The following ZDHHC2 variants were observed in gnomAD, a reference collection of about 807,000 sequenced individuals.
ZDHHC2 encodes palmitoyltransferase ZDHHC2.
ZDHHC2 carries 51 observed loss-of-function variants against 55.6 expected under a neutral mutation model. That is an observed-to-expected ratio of 0.92 (90% confidence interval 0.73 to 1.16). The LOEUF is 1.16. ZDHHC2 is among the 50% of genes most tolerant of loss of function. The pLI, the probability that ZDHHC2 is intolerant of heterozygous loss-of-function variation, is 0.00. For synonymous variants in ZDHHC2, 199 were observed against 152.9 expected (o/e 1.30, Z -2.22); for missense variants, 491 against 442.4 (o/e 1.11, Z -0.99).
intron 1 of ZDHHC2, among the ~76,000 whole-genome samples, chr8:17,181,011 TCTC>T (rs1304841189): frequency 1.3e-5 from 2 of 152,180 alleles, no homozygotes; most frequent in African/African-American, 4.8e-5. Flanking sequence ...CTTCTCCCTC[TCTC>T]CTCTCTTTAG....
chr8:17,188,658 A>C (rs1035907266), intron 3 of ZDHHC2, among the ~76,000 whole-genome samples: 2 of 152,020 alleles, frequency 1.3e-5, no homozygotes, highest in Non-Finnish European at 2.9e-5. Context: ...CGTGGATTTC[A>C]TTGAGTTCTG....
intron 10 of ZDHHC2, among the ~76,000 whole-genome samples, chr8:17,212,105 T>C (rs549897954): frequency 6.6e-6 from 1 of 152,308 alleles, no homozygotes; most frequent in Non-Finnish European, 1.5e-5. Flanking sequence ...TTAAATAATC[T>C]TTTGAGGCCT....
At chr8:17,157,540 G>GTGGC (rs1292780878) in intron 1 of ZDHHC2, 5 of 152,274 alleles carry the variant, frequency 3.3e-5, no homozygotes, top group African/African-American at 1.2e-4. Flanking sequence ...AGAGAGCGAA[G>GTGGC]TGGCTCCAGT....
At chr8:17,199,352 C>CT (rs541188524) in intron 6 of ZDHHC2, among the ~76,000 whole-genome samples, 27 of 152,110 alleles carry the variant, frequency 1.8e-4, no homozygotes, top group Middle Eastern at 3.4e-3. Flanking sequence ...ATAAATAACG[C>CT]CCCCTTCGTA....
chr8:17,223,066 A>G lies in ZDHHC2; in HGVS notation c.*2845A>G, dbSNP rs1807986971. 1 of 151,912 alleles carries G rather than the reference A, an allele frequency of 6.6e-6. No individual in the cohort carries two copies. The highest frequency in any genetic ancestry group is 6.6e-5 in the Admixed American group (1 of 15,238). The allele number at this position is 151,912 out of a possible 1,614,324, so 9.4% of individuals were successfully genotyped here. ...TTTATAAAAAATTAGGCACGCAATC[A>G]TGTGATTCATGCTTCAAGAAAATAT... is the stretch of plus-strand genomic sequence containing the variant. On this transcript the variant is annotated 3_prime_UTR_variant, in exon 13 of 13. Coordinates refer to ENST00000262096, the MANE Select transcript of ZDHHC2 (RefSeq NM_016353.5).
intron 1 of ZDHHC2, among the ~76,000 whole-genome samples, chr8:17,170,527 T>G (rs1301395013): frequency 6.6e-6 from 1 of 152,224 alleles, no homozygotes; most frequent in African/African-American, 2.4e-5. Context: ...TTTAAATGTG[T>G]TACGTGTGCC....
At chr8:17,173,992 G>A (rs1000045642) in intron 1 of ZDHHC2, among the ~76,000 whole-genome samples, 2 of 152,078 alleles carry the variant, frequency 1.3e-5, no homozygotes, top group Non-Finnish European at 1.5e-5. Flanking sequence ...TGATGTGAAC[G>A]TACAGAGAGT....
At position 17,223,107 on chromosome 8, in the gene ZDHHC2, C is replaced by T. The variant is rs144853711; in HGVS notation, c.*2886C>T. On this transcript the variant is annotated 3_prime_UTR_variant, in exon 13 of 13. Coordinates refer to ENST00000262096, the MANE Select transcript of ZDHHC2 (RefSeq NM_016353.5). ...AAGAAAATATATGAAAAAAGTGTTACTCCATTATGTTATAAACTAGCAGAT... is the reference window on the plus strand; with the variant it reads ...AAGAAAATATATGAAAAAAGTGTTATTCCATTATGTTATAAACTAGCAGAT... 1.3e-5 allele frequency: 2 copies of T among 151,958 alleles called. No homozygotes were observed. The highest frequency in any genetic ancestry group is 3.0e-5 in the Non-Finnish European group (2 of 67,776). 9.4% of individuals were successfully genotyped at this position (151,958 alleles called of 1,614,324 possible).
chr8:17,193,774 T>C (rs575818217), intron 3 of ZDHHC2, among the ~76,000 whole-genome samples: 1 of 110,462 alleles, frequency 9.1e-6, no homozygotes, highest in South Asian at 2.5e-4. Flanking sequence ...CTTATTAGCA[T>C]TTTTTTTATT....
At chr8:17,191,512 A>G (rs965289538) in intron 3 of ZDHHC2, among the ~76,000 whole-genome samples, 2 of 152,064 alleles carry the variant, frequency 1.3e-5, no homozygotes, top group Non-Finnish European at 2.9e-5. Context: ...CTCTATCTCT[A>G]TGAGTTTAGT....
At chr8:17,161,976 T>C (rs1474011017) in intron 1 of ZDHHC2, among the ~76,000 whole-genome samples, 1 of 152,240 alleles carries the variant, frequency 6.6e-6, no homozygotes, top group Non-Finnish European at 1.5e-5. Flanking sequence ...TTTATGTGAA[T>C]AGGGTAATAA....
chr8:17,205,740 G>A lies in ZDHHC2; in HGVS notation c.562G>A (p.Ala188Thr). Residue 188 changes from alanine (A) to threonine (T), a missense_variant, in exon 7 of 13, where the codon GCA becomes ACA. By Grantham distance (58) the Ala-to-Thr change is moderately conservative. Coordinates refer to ENST00000262096, the MANE Select transcript of ZDHHC2 (RefSeq NM_016353.5). ...YSLLYCLFIAATDLQYFIKFW... is the reference protein window; with the variant it reads ...YSLLYCLFIATTDLQYFIKFW... ...TCTGCTCTACTGCCTTTTTATTGCG[G>A]CAACAGATTTACAGTATTTTATCAA... 6.2e-7 allele frequency: 1 copy of A among 1,608,568 alleles called. No individual in the cohort carries two copies. The highest frequency in any genetic ancestry group is 2.2e-5 in the East Asian group (1 of 44,682).
At chr8:17,183,711 G>A (rs1043492729) in intron 1 of ZDHHC2, among the ~76,000 whole-genome samples, 1 of 152,130 alleles carries the variant, frequency 6.6e-6, no homozygotes, top group Non-Finnish European at 1.5e-5. Flanking sequence ...TGGTTTGGAA[G>A]CCTCAGTATC....
At chr8:17,201,480 T>TTTTTTTTTG (rs1563163110) in intron 6 of ZDHHC2, among the ~76,000 whole-genome samples, 1 of 90,872 alleles carries the variant, frequency 1.1e-5, no homozygotes, top group African/African-American at 3.7e-5. Context: ...TCTCTCTCTC[T>TTTTTTTTTG]CTTTTTTTTT....
intron 8 of ZDHHC2, among the ~76,000 whole-genome samples, chr8:17,209,671 G>C (rs1176363716): frequency 6.6e-6 from 1 of 152,032 alleles, no homozygotes; most frequent in Non-Finnish European, 1.5e-5. Context: ...TTGCTAGTTT[G>C]TATTTTCTGA....
chr8:17,206,536 AT>A (rs1585729156), intron 7 of ZDHHC2, among the ~76,000 whole-genome samples: 1 of 152,076 alleles, frequency 6.6e-6, no homozygotes, highest in Non-Finnish European at 1.5e-5. Flanking sequence ...ACTATATAAG[AT>A]TTTTTTCAGG....
In ZDHHC2 at chr8:17,199,512, T is replaced by G. The variant is rs1161114190; in HGVS notation, c.476+1099T>G. On this transcript the variant is annotated intron_variant, in intron 6 of 12. Transcript: ENST00000262096. The stretch of plus-strand genomic sequence containing the variant: ...CTTCTTCTTCTTCTTCTTCTTCTTC[T>G]TCGTCTTCGTCTTCGTCTTCTGTCT... Among the ~76,000 whole-genome samples the G allele has an allele frequency of 7.2e-3, 286 of 39,686 alleles. 9 individuals are homozygous for G. The highest frequency in any genetic ancestry group is 0.015 in the Non-Finnish European group (198 of 13,628). The allele number at this position is 39,686 out of a possible 152,430, so 26.0% of individuals were successfully genotyped here.
intron 6 of ZDHHC2, among the ~76,000 whole-genome samples, chr8:17,205,437 G>C (rs553790063): frequency 6.6e-6 from 1 of 152,170 alleles, no homozygotes; most frequent in Non-Finnish European, 1.5e-5. Flanking sequence ...GTTTGTGATT[G>C]ACTAAAGCAA....
At chr8:17,188,633 C>T (rs1284083979) in intron 3 of ZDHHC2, among the ~76,000 whole-genome samples, 1 of 152,124 alleles carries the variant, frequency 6.6e-6, no homozygotes, top group Non-Finnish European at 1.5e-5. Context: ...TCTTATATAC[C>T]TGCATTTATT....
Sources: allele counts gnomAD v4.1 joint callset (sites outside exome capture counted in the v4.1 genomes callset), GRCh38; gene constraint gnomAD v4.1.1; transcripts MANE v1.5; gene names NCBI Gene and HGNC (gene_info 2026-07-23, HGNC 2026-07-21).